CFAP54: variants seen among roughly 807,000 people sequenced by gnomAD.
CFAP54 encodes the protein cilia- and flagella-associated protein 54.
CFAP54 carries 290 observed loss-of-function variants against 370.4 expected under a neutral mutation model. The ratio of observed to expected loss-of-function variants is 0.78; its 90% confidence interval spans 0.71 to 0.86. CFAP54 has a LOEUF of 0.86. CFAP54 is among the 40% of genes least tolerant of loss of function. The pLI is 0.00. For synonymous variants in CFAP54, 1,206 were observed against 1,236.5 expected (o/e 0.98, Z 0.52); for missense variants, 3,399 against 3,528.7 (o/e 0.96, Z 0.93).
chr12:96,867,287 A>T (rs1960029824), intron 67 of CFAP54, among the ~76,000 whole-genome samples: 1 of 151,988 alleles, frequency 6.6e-6, no homozygotes, highest in South Asian at 2.1e-4. Context: ...CTCTTTATTT[A>T]AAAAAAAATT....
chr12:96,641,824 A>T (rs1956731673), intron 32 of CFAP54, among the ~76,000 whole-genome samples: 2 of 152,084 alleles, frequency 1.3e-5, no homozygotes, highest in South Asian at 4.1e-4. Context: ...AAATTGTCAC[A>T]AGGACAAAAA....
intron 66 of CFAP54, among the ~76,000 whole-genome samples, chr12:96,830,369 T>C (rs759862620): frequency 2.4e-4 from 37 of 152,176 alleles, no homozygotes; most frequent in Non-Finnish European, 4.7e-4. Context: ...CTTTTTATTT[T>C]CTGTTTGTGT....
chr12:96,555,590 A>G (rs923552220), intron 17 of CFAP54, among the ~76,000 whole-genome samples: 1 of 148,950 alleles, frequency 6.7e-6, no homozygotes, highest in African/African-American at 2.4e-5. Flanking sequence ...AATATATAAT[A>G]TGTAATTATA....
At chr12:96,807,951 G>C (rs1214246732) in intron 63 of CFAP54, among the ~76,000 whole-genome samples, 1 of 152,108 alleles carries the variant, frequency 6.6e-6, no homozygotes, top group East Asian at 1.9e-4. Flanking sequence ...AGAAGCCAGA[G>C]GCATGAATGT....
chr12:96,770,601 C>G (rs764066343), intron 60 of CFAP54, among the ~76,000 whole-genome samples: 1 of 152,174 alleles, frequency 6.6e-6, no homozygotes, highest in Non-Finnish European at 1.5e-5. Context: ...TGTTTGCTAC[C>G]CTTAGCAGGG....
intron 26 of CFAP54, among the ~76,000 whole-genome samples, chr12:96,599,938 TC>T (rs549766123): frequency 1.3e-5 from 2 of 152,240 alleles, no homozygotes; most frequent in Non-Finnish European, 2.9e-5. Flanking sequence ...GCAAAAATTT[TC>T]TCCCATTCTG....
rs1037382364 is a variant in CFAP54 at position 96,597,722 on chromosome 12, A to G, written c.3517-923A>G. Among the ~76,000 whole-genome samples, 3 of 151,772 alleles carry G rather than the reference A, an allele frequency of 2.0e-5. No homozygotes were observed. The East Asian group carries it at 5.8e-4, about 29-fold the overall frequency. ...TGGTGAGAAATGTTCACAACCAAAG[A>G]TATGGTTGAAGGAAAAAATACACAC... On this transcript the variant is annotated intron_variant, in intron 25 of 67. Transcript: ENST00000524981.
rs139965696 is a variant in CFAP54 at position 96,700,046 on chromosome 12, A to C, written c.6427A>C (p.Met2143Leu). 1 of 1,610,568 alleles carries C rather than the reference A, an allele frequency of 6.2e-7. No individual in the cohort carries two copies. ...ATCCCAAATTTTCTATGGAAAAAAC[A>C]TGCCTTGTCCAATACCTGCAGGCTA... ...EISQIFYGKNMPCPIPAGYKA... is the reference protein window; with the variant it reads ...EISQIFYGKNLPCPIPAGYKA... Residue 2143 changes from methionine to leucine, a missense_variant, in exon 46 of 68, where the codon ATG becomes CTG. Coordinates refer to ENST00000524981, the MANE Select transcript of CFAP54 (RefSeq NM_001306084.2).
Position 96,708,688 on chromosome 12 carries a change from T to C in CFAP54, c.6609T>C (p.Asn2203=). The C allele has an allele frequency of 6.2e-7, 1 of 1,612,454 alleles. No homozygotes were observed. Among genetic ancestry groups the C allele is most frequent in the South Asian group, 1.1e-5 (1 of 90,396 alleles). Residue 2203 remains asparagine, a synonymous_variant, in exon 48 of 68, where the codon AAT becomes AAC. Transcript: ENST00000524981. ...IGQPHLLNKF[N]FVKAYFFLSV... is the part of the protein sequence containing the mutation. ...AACCACATCTCTTAAATAAGTTTAA[T>C]TTTGTTAAAGCATACTTTTTCCTAA...
chr12:96,561,391 A>G (rs549375809), intron 17 of CFAP54, among the ~76,000 whole-genome samples: 3 of 152,190 alleles, frequency 2.0e-5, no homozygotes, highest in Non-Finnish European at 4.4e-5. Context: ...CATTAGCCAC[A>G]TGGAACTGTA....
chr12:96,535,598 C>T lies in CFAP54; in HGVS notation c.1789C>T (p.Gln597Ter), dbSNP rs1955493794. 1 of 1,528,106 alleles carries T rather than the reference C, an allele frequency of 6.5e-7. No homozygotes were observed. Among genetic ancestry groups the T allele is most frequent in the Non-Finnish European group, 8.8e-7 (1 of 1,140,776 alleles). The allele number at this position is 1,528,106 out of a possible 1,614,324, so 94.7% of individuals were successfully genotyped here. A position where few individuals can be genotyped will look rare whatever the true frequency, so the allele number is the denominator to read the frequency against. The stretch of plus-strand genomic sequence containing the variant: ...GTATGTCTGTGTCTGCACTGCTCCC[C>T]AGGTGAAATAGCTATTTTAAATAAT... ...TLYVCVCTAP[Q>*]DVQPDKEIVV... The change falls in exon 12 of 68, where the codon CAG becomes TAG. Residue 597 changes from glutamine to a stop codon, truncating the protein, a stop_gained and splice_region_variant. Transcript: ENST00000524981. LOFTEE classifies it high-confidence loss of function.
At chr12:96,618,708 G>A (rs1956451005) in intron 26 of CFAP54, among the ~76,000 whole-genome samples, 4 of 152,158 alleles carry the variant, frequency 2.6e-5, no homozygotes, top group South Asian at 2.1e-4. Flanking sequence ...GGAGGTTGAC[G>A]TCCTTGAATT....
chr12:96,591,704 A>G (rs542380916), intron 23 of CFAP54, among the ~76,000 whole-genome samples: 25 of 152,102 alleles, frequency 1.6e-4, no homozygotes, highest in Admixed American at 4.6e-4. Flanking sequence ...CCTGGCTAAC[A>G]CGGTGAAACC....
At chr12:96,508,060 TTGAG>T (rs1435378663) in intron 4 of CFAP54, among the ~76,000 whole-genome samples, 1 of 152,096 alleles carries the variant, frequency 6.6e-6, no homozygotes, top group Non-Finnish European at 1.5e-5. Context: ...CAGCCCTTGT[TTGAG>T]TGGTGGAAAT....
At position 96,658,022 on chromosome 12, in the gene CFAP54, A is replaced by AT. The variant is rs201386158; in HGVS notation, c.5243dup (p.Leu1748PhefsTer29). ...ATTTGAAATGGATCCACGACTTTGTATTAAAATCTCTGGAAGTTTTATATC... is the reference window on the plus strand; with the variant it reads ...ATTTGAAATGGATCCACGACTTTGTATTTAAAATCTCTGGAAGTTTTATATC... On this transcript the variant is annotated frameshift_variant, in exon 37 of 68. Coordinates refer to ENST00000524981, the MANE Select transcript of CFAP54 (RefSeq NM_001306084.2). LOFTEE classifies it high-confidence loss of function. 3.7e-6 allele frequency: 6 copies of AT among 1,614,012 alleles called. No homozygotes were observed. The East Asian group carries it at 1.3e-4, about 36-fold the overall frequency.
At chr12:96,623,469 CT>C (rs931895428) in intron 27 of CFAP54, among the ~76,000 whole-genome samples, 3 of 152,066 alleles carry the variant, frequency 2.0e-5, no homozygotes, top group African/African-American at 7.2e-5. Context: ...GCCTCAGCTG[CT>C]TTGAGAATGC....
intron 33 of CFAP54, among the ~76,000 whole-genome samples, chr12:96,644,785 T>G (rs555038204): frequency 6.7e-4 from 102 of 152,216 alleles, no homozygotes; most frequent in Middle Eastern, 6.8e-3. Context: ...TGGGGAAAAC[T>G]GCCCCCATGA....
chr12:96,770,314 C>A (rs1315329817), intron 60 of CFAP54, among the ~76,000 whole-genome samples: 1 of 152,002 alleles, frequency 6.6e-6, no homozygotes, highest in Non-Finnish European at 1.5e-5. Context: ...CAAATGCCTG[C>A]CAGAGTCCAG....
At chr12:96,579,149 A>AG (rs1224926432) in intron 20 of CFAP54, among the ~76,000 whole-genome samples, 13 of 152,218 alleles carry the variant, frequency 8.5e-5, no homozygotes, top group Admixed American at 8.5e-4. Flanking sequence ...GGGAAATCAA[A>AG]GGAAGTTAGT....
Sources: allele counts gnomAD v4.1 joint callset (sites outside exome capture counted in the v4.1 genomes callset), GRCh38; gene constraint gnomAD v4.1.1; transcripts MANE v1.5; gene names NCBI Gene and HGNC (gene_info 2026-07-23, HGNC 2026-07-21).